Variants in TBC1D5 observed in about 807,000 individuals in gnomAD.
TBC1D5 encodes the protein TBC1 domain family member 5.
Under a neutral mutation model 100.3 loss-of-function variants are expected in TBC1D5, and 75 were observed. That is an observed-to-expected ratio of 0.75 (90% CI 0.62 to 0.91). The LOEUF is 0.91. TBC1D5 is among the 40% of genes least tolerant of loss of function. The pLI, the probability that TBC1D5 is intolerant of heterozygous loss-of-function variation, is 0.00. For missense variants in TBC1D5, 910 were observed against 942.4 expected (o/e 0.97, Z 0.45); for synonymous variants, 323 against 325.6 (o/e 0.99, Z 0.09).
intron 13 of TBC1D5, among the ~76,000 whole-genome samples, chr3:17,344,923 G>A (rs2089635050): frequency 6.6e-6 from 1 of 151,948 alleles, no homozygotes; most frequent in Non-Finnish European, 1.5e-5. Context: ...AATTCAAGAT[G>A]GATTAAAGAC....
chr3:17,378,465 T>A, intron 9 of TBC1D5, among the ~76,000 whole-genome samples: 1 of 151,924 alleles, frequency 6.6e-6, no homozygotes. Context: ...CTAGCAAGAT[T>A]GAACCCCAAA....
intron 13 of TBC1D5, among the ~76,000 whole-genome samples, chr3:17,325,483 C>G (rs2151024678): frequency 6.6e-6 from 1 of 152,094 alleles, no homozygotes; most frequent in East Asian, 1.9e-4. Context: ...GCCTCCATGC[C>G]CAGCTAAGTT....
chr3:17,740,719 C>T (rs888591546), exon 1 of TBC1D5: 3 of 152,126 alleles, frequency 2.0e-5, no homozygotes, highest in Non-Finnish European at 2.9e-5. Context: ...CAACTGAGGC[C>T]GCATTTGAGA....
chr3:17,707,968 C>A (rs1391223007), intron 1 of TBC1D5, among the ~76,000 whole-genome samples: 1 of 152,144 alleles, frequency 6.6e-6, no homozygotes. Context: ...AAATGACATT[C>A]ACGTTATGCA....
chr3:17,479,149 C>T (rs2095472166), intron 3 of TBC1D5, among the ~76,000 whole-genome samples: 2 of 152,130 alleles, frequency 1.3e-5, no homozygotes, highest in African/African-American at 4.8e-5. Flanking sequence ...ATCCATAATC[C>T]TAGCTTTTGG....
intron 18 of TBC1D5, among the ~76,000 whole-genome samples, chr3:17,200,121 G>A (rs1399767588): frequency 6.6e-6 from 1 of 151,902 alleles, no homozygotes; most frequent in African/African-American, 2.4e-5. Flanking sequence ...TAACTTTTTA[G>A]GATTTAACAT....
chr3:17,268,693 G>A (rs908772253), intron 15 of TBC1D5, among the ~76,000 whole-genome samples: 2 of 152,044 alleles, frequency 1.3e-5, no homozygotes, highest in African/African-American at 4.8e-5. Context: ...GTAGTTTGTT[G>A]CCTATACCCA....
At chr3:17,529,904 T>A (rs960297344) in intron 2 of TBC1D5, among the ~76,000 whole-genome samples, 4 of 152,290 alleles carry the variant, frequency 2.6e-5, no homozygotes, top group East Asian at 1.9e-4. Context: ...GATAACGGGT[T>A]AACTATGCAT....
At chr3:17,536,834 A>C (rs2096286779) in intron 2 of TBC1D5, among the ~76,000 whole-genome samples, 1 of 152,160 alleles carries the variant, frequency 6.6e-6, no homozygotes, top group African/African-American at 2.4e-5. Context: ...TGAGAGAGTT[A>C]AGCTGTCTGA....
intron 19 of TBC1D5, among the ~76,000 whole-genome samples, chr3:17,170,017 G>A (rs1242220673): frequency 6.6e-6 from 1 of 152,206 alleles, no homozygotes; most frequent in Non-Finnish European, 1.5e-5. Flanking sequence ...TGGAGCTCAG[G>A]TGGTAACGCT....
intron 4 of TBC1D5, among the ~76,000 whole-genome samples, chr3:17,420,463 C>G (rs1209631026): frequency 1.3e-5 from 2 of 151,756 alleles, no homozygotes; most frequent in Non-Finnish European, 2.9e-5. Context: ...TTATATAGAG[C>G]TACTATATAA....
intron 3 of TBC1D5, among the ~76,000 whole-genome samples, chr3:17,460,824 A>G (rs2095192121): frequency 6.6e-6 from 1 of 152,140 alleles, no homozygotes; most frequent in African/African-American, 2.4e-5. Flanking sequence ...ATTAACTTCA[A>G]TATACTAGTG....
intron 13 of TBC1D5, among the ~76,000 whole-genome samples, chr3:17,334,566 T>C (rs1234255133): frequency 6.6e-6 from 1 of 152,130 alleles, no homozygotes; most frequent in Non-Finnish European, 1.5e-5. Flanking sequence ...AAAACCTAGG[T>C]AGGACTACCT....
rs552691657 is a variant in TBC1D5, at chr3:17,712,245, A to G, written c.-101+27098T>C. Among the ~76,000 whole-genome samples the G allele has an allele frequency of 1.6e-4, 24 of 152,270 alleles. No homozygotes were observed. The South Asian group carries it at 5.0e-3, about 32-fold the overall frequency. On this transcript the variant is annotated intron_variant, in intron 1 of 21. Transcript: ENST00000253692. ...AACCCACACAAAGTTGCTTAGCCCAAAGTGACAACTTTTATTAAAAAGAAA... is the reference window on the plus strand; with the variant it reads ...AACCCACACAAAGTTGCTTAGCCCAGAGTGACAACTTTTATTAAAAAGAAA...
rs534118274 is a variant in TBC1D5, at chr3:17,314,312, C to A, written c.996-6178G>T. 9.2e-5 allele frequency among the ~76,000 whole-genome samples: 14 copies of A among 152,206 alleles called. No homozygotes were observed. The South Asian group carries it at 2.9e-3, about 32-fold the overall frequency. On this transcript the variant is annotated intron_variant, in intron 13 of 21. Coordinates refer to ENST00000253692, the Ensembl canonical transcript of TBC1D5. ...CTTCTTGACCACAGATGATCTTGATCTTGGGCCTACAGGCTGGACCTTTCA... is the reference window on the plus strand; with the variant it reads ...CTTCTTGACCACAGATGATCTTGATATTGGGCCTACAGGCTGGACCTTTCA...
At chr3:17,334,008 G>C (rs2087280294) in intron 13 of TBC1D5, among the ~76,000 whole-genome samples, 1 of 152,058 alleles carries the variant, frequency 6.6e-6, no homozygotes, top group Non-Finnish European at 1.5e-5. Context: ...GGGAAATGAG[G>C]ACATTAGTGG....
intron 1 of TBC1D5, among the ~76,000 whole-genome samples, chr3:17,738,141 T>C (rs1200093541): frequency 6.6e-6 from 1 of 152,222 alleles, no homozygotes; most frequent in Non-Finnish European, 1.5e-5. Context: ...TCAAACTATA[T>C]TTATTTGCAT....
At chr3:17,493,858 A>G (rs2095668953) in intron 3 of TBC1D5, among the ~76,000 whole-genome samples, 1 of 152,136 alleles carries the variant, frequency 6.6e-6, no homozygotes, top group Non-Finnish European at 1.5e-5. Context: ...GCTTCTTTGC[A>G]TTGGGTTAGA....
At chr3:17,402,382 C>T (rs1041116747) in intron 8 of TBC1D5, among the ~76,000 whole-genome samples, 1 of 151,942 alleles carries the variant, frequency 6.6e-6, no homozygotes, top group Admixed American at 6.6e-5. Context: ...CTGGCTAATC[C>T]CAGATCCTAA....
Sources: gnomAD v4.1 joint callset for allele counts (sites outside exome capture counted in the v4.1 genomes callset) on GRCh38, gnomAD v4.1.1 for gene constraint, MANE v1.5 for transcripts, NCBI Gene and HGNC (gene_info 2026-07-23, HGNC 2026-07-21) for gene names.